Variants in SLC9A1 observed in about 807,000 individuals in gnomAD.
SLC9A1 encodes sodium/hydrogen exchanger 1.
SLC9A1 carries 22 observed loss-of-function variants against 67.9 expected under a neutral mutation model. The observed-to-expected ratio is 0.32, with a 90% confidence interval of 0.23 to 0.46. The LOEUF (loss-of-function observed/expected upper bound fraction) is 0.46, where lower values mean the gene tolerates loss of function less well. SLC9A1 is among the 20% of genes least tolerant of loss of function. SLC9A1 has a pLI of 1.00. For missense variants in SLC9A1, 686 were observed against 1,094.8 expected (o/e 0.63, Z 5.27); for synonymous variants, 421 against 471.8 (o/e 0.89, Z 1.40).
intron 1 of SLC9A1, among the ~76,000 whole-genome samples, chr1:27,146,997 C>T (rs1038249117): frequency 4.0e-5 from 6 of 150,558 alleles, no homozygotes; most frequent in Non-Finnish European, 8.9e-5. Context: ...TTAGGCCGGG[C>T]GCGGTGGCTC....
chr1:27,152,227 AGGCC>A (rs1318532083), intron 1 of SLC9A1, among the ~76,000 whole-genome samples: 1 of 152,190 alleles, frequency 6.6e-6, no homozygotes, highest in African/African-American at 2.4e-5. Flanking sequence ...TAGAGATACC[AGGCC>A]TGCAGGGACA....
At position 27,154,108 on chromosome 1, in the gene SLC9A1, T is replaced by G; in HGVS notation, c.227A>C (p.His76Pro). 1 of 1,614,024 alleles carries G rather than the reference T, an allele frequency of 6.2e-7. No individual in the cohort carries two copies. The highest frequency in any genetic ancestry group is 8.5e-7 in the Non-Finnish European group (1 of 1,179,968). The part of the protein sequence containing the change: ...EVTPESRPVN[H>P]SVTDHGMKPR... ...CTTCATGCCATGATCAGTGACGGAA[T>G]GATTAACAGGGCGGCTCTCTGGGGT... is the stretch of plus-strand genomic sequence containing the variant. Residue 76 changes from histidine (H) to proline (P), a missense_variant, in exon 1 of 12, where the codon CAT (histidine) becomes CCT (proline). His to Pro is a moderately conservative substitution (Grantham distance 77). This residue lies in a region of SLC9A1 where 143 missense variants were observed against 166.7 expected (regional missense o/e 0.86). Coordinates refer to ENST00000263980, the MANE Select transcript of SLC9A1 (RefSeq NM_003047.5).
intron 2 of SLC9A1, among the ~76,000 whole-genome samples, chr1:27,110,632 A>G (rs990003065): frequency 9.2e-5 from 14 of 152,362 alleles, no homozygotes; most frequent in African/African-American, 2.9e-4. Flanking sequence ...CAGGTGGGTC[A>G]AGGATGCTCC....
chr1:27,147,729 C>A (rs775852541), intron 1 of SLC9A1, among the ~76,000 whole-genome samples: 17 of 152,208 alleles, frequency 1.1e-4, no homozygotes, highest in Non-Finnish European at 1.8e-4. Context: ...GGAGCAGTGG[C>A]TTACGCCTGT....
chr1:27,111,050 G>A (rs1207523132), intron 2 of SLC9A1, among the ~76,000 whole-genome samples: 1 of 152,198 alleles, frequency 6.6e-6, no homozygotes, highest in Admixed American at 6.5e-5. Context: ...TCACACCTAT[G>A]CCAAGAGCTC....
intron 1 of SLC9A1, among the ~76,000 whole-genome samples, chr1:27,131,648 T>C (rs2083385203): frequency 6.8e-6 from 1 of 147,034 alleles, no homozygotes; most frequent in South Asian, 2.1e-4. Flanking sequence ...CTCAGAAGGC[T>C]GGGGCAGGAG....
chr1:27,110,179 C>CCT (rs2083218346), intron 2 of SLC9A1, among the ~76,000 whole-genome samples: 1 of 152,230 alleles, frequency 6.6e-6, no homozygotes, highest in Non-Finnish European at 1.5e-5. Flanking sequence ...ATCAGCGAAT[C>CCT]AAGTGCTCGG....
At chr1:27,116,147 G>C (rs890264587) in intron 1 of SLC9A1, among the ~76,000 whole-genome samples, 2 of 152,126 alleles carry the variant, frequency 1.3e-5, no homozygotes, top group African/African-American at 4.8e-5. Flanking sequence ...ATCACCTGAG[G>C]TCAGGAATTC....
Position 27,114,484 on chromosome 1 carries a change from T to C in SLC9A1, c.353-198A>G, listed in dbSNP as rs2083252685. On this transcript the variant is annotated intron_variant, in intron 1 of 11. Coordinates refer to ENST00000263980, the MANE Select transcript of SLC9A1 (RefSeq NM_003047.5). This position sits in a 1 kb window ranked among gnomAD's most constrained non-coding sequence, Gnocchi z 5.4. ...AGGGACAATGCTAGCTTCACAGGTT[T>C]GCCATCATAAACCAAGTGACAGTGT... Among the ~76,000 whole-genome samples, 1 of 152,190 alleles carries C rather than the reference T, an allele frequency of 6.6e-6. No homozygotes were observed. Among genetic ancestry groups the C allele is most frequent in the Admixed American group, 6.5e-5 (1 of 15,278 alleles).
intron 1 of SLC9A1, among the ~76,000 whole-genome samples, chr1:27,145,932 TCA>T (rs1454119381): frequency 5.9e-5 from 9 of 152,150 alleles, no homozygotes; most frequent in Non-Finnish European, 1.0e-4. Flanking sequence ...AAAACTTAGT[TCA>T]GTTAAAATTA....
intron 1 of SLC9A1, among the ~76,000 whole-genome samples, chr1:27,119,051 ACAC>A (rs1274702500): frequency 7.0e-6 from 1 of 142,910 alleles, no homozygotes; most frequent in Non-Finnish European, 1.5e-5. Context: ...GAACACACAC[ACAC>A]ACACACACAC....
Position 27,139,529 on chromosome 1 carries a change from C to T in SLC9A1, c.352+14454G>A, listed in dbSNP as rs559995153. Among the ~76,000 whole-genome samples, 25 of 151,474 alleles carry T rather than the reference C, an allele frequency of 1.7e-4. No homozygotes were observed. In the South Asian group the frequency reaches 1.7e-3, roughly 10 times the overall value. On this transcript the variant is annotated intron_variant, in intron 1 of 11. Transcript: ENST00000263980. ...ACAAAGCCAGGCACTGGCAGGGTCT[C>T]AGTAAGTGGTAGGTAGCTCTGTCCT...
At chr1:27,133,355 C>T (rs2083398621) in intron 1 of SLC9A1, among the ~76,000 whole-genome samples, 1 of 152,138 alleles carries the variant, frequency 6.6e-6, no homozygotes, top group Non-Finnish European at 1.5e-5. Flanking sequence ...CAGGCATGAG[C>T]CATCACACCT....
At chr1:27,147,691 T>G (rs919807730) in intron 1 of SLC9A1, among the ~76,000 whole-genome samples, 1 of 152,088 alleles carries the variant, frequency 6.6e-6, no homozygotes, top group Non-Finnish European at 1.5e-5. Context: ...AGTATCTATA[T>G]TATCAATTAG....
intron 1 of SLC9A1, among the ~76,000 whole-genome samples, chr1:27,139,603 A>T (rs902972867): frequency 6.6e-6 from 1 of 151,222 alleles, no homozygotes; most frequent in African/African-American, 2.5e-5. Context: ...AGTGCCCCAC[A>T]GGTGCAGTTA....
chr1:27,134,864 G>A (rs1374521694), intron 1 of SLC9A1, among the ~76,000 whole-genome samples: 1 of 151,912 alleles, frequency 6.6e-6, no homozygotes. Flanking sequence ...GGCCTCCCAA[G>A]TAGCTGGGAC....
chr1:27,109,651 C>A lies in SLC9A1; in HGVS notation c.940G>T (p.Val314Phe). The A allele has an allele frequency of 6.2e-7, 1 of 1,613,848 alleles. No homozygotes were observed. The highest frequency in any genetic ancestry group is 8.5e-7 in the Non-Finnish European group (1 of 1,179,970). Residue 314 changes from valine to phenylalanine, a missense_variant, in exon 3 of 12, where the codon GTC (valine) becomes TTC (phenylalanine). Physicochemically the swap from Val to Phe is conservative, Grantham distance 50. Coordinates refer to ENST00000263980, the MANE Select transcript of SLC9A1 (RefSeq NM_003047.5). This position sits in a 1 kb window ranked among gnomAD's most constrained non-coding sequence, Gnocchi z 5.5. ...GGVLVGVVYG[V>F]IAAFTSRFTS... Reference sequence around the variant, plus strand: ...AATCGGGAGGTGAAGGCTGCGATGACCCCGTAGACCACGCCCACAAGCACC... The same window carrying A: ...AATCGGGAGGTGAAGGCTGCGATGAACCCGTAGACCACGCCCACAAGCACC...
At chr1:27,115,273 G>A (rs773215940) in intron 1 of SLC9A1, among the ~76,000 whole-genome samples, 4 of 152,126 alleles carry the variant, frequency 2.6e-5, no homozygotes, top group South Asian at 2.1e-4. Flanking sequence ...GCAACAGGCC[G>A]CTCTGCTGTA....
chr1:27,115,204 C>T (rs988532803), intron 1 of SLC9A1, among the ~76,000 whole-genome samples: 24 of 152,254 alleles, frequency 1.6e-4, no homozygotes, highest in African/African-American at 5.5e-4. Flanking sequence ...ATCAAGGCCT[C>T]CTCACACACC....
Sources: allele counts gnomAD v4.1 joint callset (sites outside exome capture counted in the v4.1 genomes callset), GRCh38; gene constraint gnomAD v4.1.1; regional missense constraint gnomAD v4.1.1; non-coding constraint Gnocchi (gnomAD v3.1); transcripts MANE v1.5; gene names NCBI Gene and HGNC (gene_info 2026-07-23, HGNC 2026-07-21).